BABAM2: variants seen among roughly 807,000 people sequenced by gnomAD.
BABAM2 encodes BRISC and BRCA1 A complex member 2.
Under a neutral mutation model 54.7 loss-of-function variants are expected in BABAM2, and 31 were observed. The ratio of observed to expected loss-of-function variants is 0.57; its 90% CI spans 0.43 to 0.77. The LOEUF (loss-of-function observed/expected upper bound fraction) is 0.77. Among genes scored for constraint, BABAM2 ranks in the 30% least tolerant of loss-of-function variants. The pLI is 0.00. For synonymous variants in BABAM2, 167 were observed against 162.9 expected, an observed-to-expected ratio of 1.03 and a Z score of -0.19; for missense variants, 364 against 455.8, an observed-to-expected ratio of 0.80 and a Z score of 1.83.
chr2:28,087,694 G>A (rs1361811221), intron 6 of BABAM2, among the ~76,000 whole-genome samples: 1 of 151,812 alleles, frequency 6.6e-6, no homozygotes, highest in Non-Finnish European at 1.5e-5. Context: ...TGTCGCCCAG[G>A]TTGGAGTGCA....
intron 2 of BABAM2, among the ~76,000 whole-genome samples, chr2:27,903,074 T>C (rs149285628): frequency 1.3e-3 from 193 of 152,216 alleles, no homozygotes; most frequent in African/African-American, 4.3e-3. Flanking sequence ...TGGAGTGAGA[T>C]AGAGATATTG....
At chr2:28,005,389 TG>T (rs1673883541) in intron 4 of BABAM2, among the ~76,000 whole-genome samples, 2 of 152,192 alleles carry the variant, frequency 1.3e-5, no homozygotes, top group Admixed American at 6.5e-5. Context: ...TCTTATGTTT[TG>T]TTAGTATTTT....
intron 2 of BABAM2, among the ~76,000 whole-genome samples, chr2:27,918,589 T>G (rs1313103842): frequency 6.6e-6 from 1 of 152,200 alleles, no homozygotes; most frequent in African/African-American, 2.4e-5. Context: ...CTATCAAGTT[T>G]TTGTTCTTCA....
rs1020705158 is a variant in BABAM2, at chr2:27,995,140, A to G, written c.300+7053A>G. Among the ~76,000 whole-genome samples the G allele has an allele frequency of 6.6e-6, 1 of 152,120 alleles. No homozygotes were observed. On this transcript the variant is annotated intron_variant, in intron 4 of 11. Coordinates refer to ENST00000379624, the MANE Select transcript of BABAM2 (RefSeq NM_199191.3). The surrounding 1 kb of genome is among the most constrained non-coding windows in gnomAD (Gnocchi z 4.1). ...GGGTGTGGCTGCAGGCTACGGGAAG[A>G]TGAAGACCTTCACTGGGGTGCTGTG...
chr2:28,259,749 A>G (rs1258542052), intron 10 of BABAM2, among the ~76,000 whole-genome samples: 1 of 152,086 alleles, frequency 6.6e-6, no homozygotes, highest in African/African-American at 2.4e-5. Context: ...TTCCACTTCA[A>G]GTTAATTTTG....
chr2:27,909,649 T>G (rs1666436906), intron 2 of BABAM2, among the ~76,000 whole-genome samples: 1 of 152,222 alleles, frequency 6.6e-6, no homozygotes, highest in African/African-American at 2.4e-5. Flanking sequence ...TTTCTGTGCT[T>G]TCTTCCCTAG....
chr2:28,104,325 A>T (rs1039113166), intron 6 of BABAM2, among the ~76,000 whole-genome samples: 2 of 152,066 alleles, frequency 1.3e-5, no homozygotes, highest in African/African-American at 2.4e-5. Flanking sequence ...GAATCTACAA[A>T]GAACTCAAAT....
intron 7 of BABAM2, among the ~76,000 whole-genome samples, chr2:28,165,222 A>G (rs1251361334): frequency 5.9e-5 from 9 of 152,198 alleles, no homozygotes; most frequent in Non-Finnish European, 1.5e-5. Context: ...AGTTTCTTTG[A>G]GGAATGTGAA....
intron 10 of BABAM2, among the ~76,000 whole-genome samples, chr2:28,273,718 A>G (rs1191991814): frequency 6.6e-6 from 1 of 151,856 alleles, no homozygotes; most frequent in East Asian, 1.9e-4. Context: ...GACTGTCTCC[A>G]AAAAAAATAA....
chr2:28,075,557 CATGTGTGTGTGTGT>C (rs1363845879), intron 6 of BABAM2, among the ~76,000 whole-genome samples: 1 of 147,528 alleles, frequency 6.8e-6, no homozygotes, highest in Non-Finnish European at 1.5e-5. Flanking sequence ...TTTCTCTGTG[CATGTGTGTGTGTGT>C]GTGTGTGCGT....
At chr2:28,097,282 C>T (rs1447992671) in intron 6 of BABAM2, among the ~76,000 whole-genome samples, 1 of 152,116 alleles carries the variant, frequency 6.6e-6, no homozygotes, top group Non-Finnish European at 1.5e-5. Flanking sequence ...ATACAGGACC[C>T]TGGAAATATA....
intron 3 of BABAM2, among the ~76,000 whole-genome samples, chr2:27,939,492 T>TTA (rs752565490): frequency 7.2e-5 from 11 of 152,194 alleles, no homozygotes; most frequent in Admixed American, 3.3e-4. Flanking sequence ...TTTTCGTTGG[T>TTA]TGAAGTATGT....
rs138006959 is a variant in BABAM2 at position 28,296,538 on chromosome 2, G to A, written c.935-1800G>A. ...CCAACTGGATGGTTTTTTGATTCTC[G>A]GGAGTTTTTTGGCTTCTCCTTAAAA... On this transcript the variant is annotated intron_variant, in intron 10 of 11. Transcript: ENST00000379624. 5.3e-3 allele frequency among the ~76,000 whole-genome samples: 810 copies of A among 152,164 alleles called. 13 individuals carry two copies. Among genetic ancestry groups the A allele is most frequent in the South Asian group, 0.049 (236 of 4,818 alleles).
intron 7 of BABAM2, among the ~76,000 whole-genome samples, chr2:28,231,785 CTTTT>C (rs549515372): frequency 1.3e-3 from 76 of 57,568 alleles, no homozygotes; most frequent in Non-Finnish European, 1.9e-3. Flanking sequence ...AGAGAGATGT[CTTTT>C]TTTTTTTTTT....
rs545828653 is a variant in BABAM2 at position 28,136,605 on chromosome 2, T to C, written c.680+7225T>C. Among the ~76,000 whole-genome samples, 4 of 152,368 alleles carry C rather than the reference T, an allele frequency of 2.6e-5. No homozygotes were observed. In the South Asian group the frequency reaches 8.3e-4, roughly 32 times the overall value. On this transcript the variant is annotated intron_variant, in intron 7 of 11. Coordinates refer to ENST00000379624, the MANE Select transcript of BABAM2 (RefSeq NM_199191.3). ...TTCCTTTATGGTCGCCTGTTCATGT[T>C]TCTGAGAGGTGGAGCCCTGTTTCAT...
At chr2:28,180,811 A>T (rs559072612) in intron 7 of BABAM2, among the ~76,000 whole-genome samples, 3 of 152,330 alleles carry the variant, frequency 2.0e-5, no homozygotes, top group Admixed American at 2.0e-4. Context: ...ACATGAATGT[A>T]CATTTTTCAG....
intron 4 of BABAM2, among the ~76,000 whole-genome samples, chr2:28,013,599 A>C (rs1232403): frequency 2.0e-5 from 3 of 149,336 alleles, no homozygotes; most frequent in Non-Finnish European, 3.0e-5. Context: ...TCATATTACC[A>C]CAAGTAGCTA....
intron 6 of BABAM2, among the ~76,000 whole-genome samples, chr2:28,062,085 C>G (rs932238450): frequency 6.6e-6 from 1 of 152,144 alleles, no homozygotes; most frequent in East Asian, 1.9e-4. Flanking sequence ...TGGCAAAACC[C>G]TTTCTCTACT....
At chr2:28,025,194 A>C in intron 4 of BABAM2, 32 bp from the exon 5 acceptor site, 1 of 1,537,960 alleles carries the variant, frequency 6.5e-7, no homozygotes. Context: ...TTTCAGTTTT[A>C]ACTGGTCTTT....
Sources: allele counts gnomAD v4.1 joint callset (sites outside exome capture counted in the v4.1 genomes callset), GRCh38; gene constraint gnomAD v4.1.1; non-coding constraint Gnocchi (gnomAD v3.1); transcripts MANE v1.5; gene names NCBI Gene and HGNC (gene_info 2026-07-23, HGNC 2026-07-21).